The following AQP9 variants were observed in gnomAD, a reference collection of about 807,000 sequenced individuals.
The protein encoded by AQP9 is aquaporin 9.
AQP9 carries 19 observed loss-of-function variants against 23.8 expected under a neutral mutation model. The ratio of observed to expected loss-of-function variants is 0.80; its 90% CI spans 0.56 to 1.17. The LOEUF (loss-of-function observed/expected upper bound fraction) is 1.17. Ranked by LOEUF, AQP9 falls within the 50% of genes most tolerant of loss-of-function variation. AQP9 has a pLI of 0.00. For synonymous variants in AQP9, 153 were observed against 131.5 expected (o/e 1.16, Z -1.12); for missense variants, 413 against 362.0 (o/e 1.14, Z -1.14).
chr15:58,184,163 C>T lies in AQP9; in HGVS notation c.*28C>T, dbSNP rs979120806. ...GCATGCTCAGCTCTGGATTTGCAGT[C>T]AGTTTGGGATTCTCTTCAGAAAGAT... On this transcript the variant is annotated 3_prime_UTR_variant, in exon 6 of 6. Transcript: ENST00000219919. The T allele has an allele frequency of 1.2e-6, 2 of 1,605,492 alleles. No homozygotes were observed. Among genetic ancestry groups the T allele is most frequent in the African/African-American group, 1.3e-5 (1 of 74,864 alleles).
chr15:58,144,742 G>A (rs985002119), intron 1 of AQP9, among the ~76,000 whole-genome samples: 2 of 152,114 alleles, frequency 1.3e-5, no homozygotes, highest in East Asian at 1.9e-4. Context: ...CTGGCCAGGC[G>A]CGGTGGCTCA....
chr15:58,168,662 C>G (rs1898558750), intron 2 of AQP9, among the ~76,000 whole-genome samples: 1 of 152,116 alleles, frequency 6.6e-6, no homozygotes, highest in African/African-American at 2.4e-5. Context: ...TCCCAGATTC[C>G]TATATATGTG....
chr15:58,160,404 C>A (rs1898351086), intron 1 of AQP9, among the ~76,000 whole-genome samples: 1 of 152,096 alleles, frequency 6.6e-6, no homozygotes, highest in African/African-American at 2.4e-5. Flanking sequence ...TTATGGTTAT[C>A]AATCCCTTAT....
At chr15:58,146,048 A>G (rs1255163266) in intron 1 of AQP9, among the ~76,000 whole-genome samples, 8 of 152,058 alleles carry the variant, frequency 5.3e-5, no homozygotes, top group African/African-American at 1.9e-4. Context: ...TAAGAGTTTC[A>G]CTTTGTTTTT....
At chr15:58,165,130 C>T (rs376952882) in intron 1 of AQP9, among the ~76,000 whole-genome samples, 50 of 152,190 alleles carry the variant, frequency 3.3e-4, no homozygotes, top group African/African-American at 1.1e-3. Flanking sequence ...TTATAAAACC[C>T]CAACTGGAGT....
Position 58,170,649 on chromosome 15 carries a change from C to T in AQP9, c.239-2419C>T, listed in dbSNP as rs183192461. The stretch of plus-strand genomic sequence containing the variant: ...TGATTTCTTGACCTCATGATCCACT[C>T]GCCTTGGCCTCCCAAAGTGCTGAGA... On this transcript the variant is annotated intron_variant, in intron 2 of 5. Coordinates refer to ENST00000219919, the MANE Select transcript of AQP9 (RefSeq NM_020980.5). Among the ~76,000 whole-genome samples, 392 of 152,220 alleles carry T rather than the reference C, an allele frequency of 2.6e-3. 1 individual carries two copies. The highest frequency in any genetic ancestry group is 9.0e-3 in the African/African-American group (372 of 41,546).
chr15:58,166,008 A>G (rs1177736520), intron 1 of AQP9, among the ~76,000 whole-genome samples: 2 of 152,306 alleles, frequency 1.3e-5, no homozygotes, highest in East Asian at 3.9e-4. Flanking sequence ...GTTTTCTTGT[A>G]CATCAGACAT....
intron 1 of AQP9, among the ~76,000 whole-genome samples, chr15:58,139,740 G>T (rs1238140814): frequency 6.6e-6 from 1 of 152,212 alleles, no homozygotes; most frequent in East Asian, 1.9e-4. Context: ...CTAGTGGAAT[G>T]TGAAGAGAGA....
rs1245067353 is a variant in AQP9, at chr15:58,179,109, T to C, written c.496-19T>C. On this transcript the variant is annotated intron_variant, in intron 4 of 5. Coordinates refer to ENST00000219919, the MANE Select transcript of AQP9 (RefSeq NM_020980.5). ...GCAGAATGCAGGCTAAAGCCCTGGCTCAACTTCTCCCTCTCCAGGTGGTGG... is the reference window on the plus strand; with the variant it reads ...GCAGAATGCAGGCTAAAGCCCTGGCCCAACTTCTCCCTCTCCAGGTGGTGG... The C allele has an allele frequency of 4.5e-6, 7 of 1,570,216 alleles. No homozygotes were observed. In the East Asian group the frequency reaches 1.3e-4, roughly 30 times the overall value.
At chr15:58,183,723 A>G (rs1898943144) in intron 5 of AQP9, among the ~76,000 whole-genome samples, 1 of 152,212 alleles carries the variant, frequency 6.6e-6, no homozygotes, top group East Asian at 1.9e-4. Context: ...GAAAATAAAT[A>G]AGACATAATA....
At chr15:58,161,081 C>T (rs2414538) in intron 1 of AQP9, among the ~76,000 whole-genome samples, 24,737 of 151,956 alleles carry the variant, frequency 0.16, 2,097 homozygotes, top group Non-Finnish European at 0.18. Flanking sequence ...ATTTCCTGAG[C>T]AATGGGGAGG....
chr15:58,173,277 G>A, intron 3 of AQP9, 72 bp downstream of exon 3: 4 of 1,591,036 alleles, frequency 2.5e-6, no homozygotes, highest in South Asian at 1.1e-5. Flanking sequence ...TACTTGGTAG[G>A]CACAGGCGAG....
intron 4 of AQP9, among the ~76,000 whole-genome samples, chr15:58,178,729 CT>C (rs1490903317): frequency 6.6e-6 from 1 of 152,190 alleles, no homozygotes; most frequent in Non-Finnish European, 1.5e-5. Context: ...TCTCACATTG[CT>C]TTTCTCACCA....
chr15:58,161,920 A>G (rs1409635233), intron 1 of AQP9, among the ~76,000 whole-genome samples: 1 of 152,230 alleles, frequency 6.6e-6, no homozygotes, highest in Non-Finnish European at 1.5e-5. Flanking sequence ...CATCCCTGGA[A>G]ATAATGTCTA....
intron 1 of AQP9, among the ~76,000 whole-genome samples, chr15:58,159,968 T>G (rs1484807334): frequency 1.3e-5 from 2 of 152,228 alleles, no homozygotes; most frequent in Non-Finnish European, 2.9e-5. Flanking sequence ...GCAGTAAACA[T>G]GAGAGTGCAG....
At chr15:58,180,481 T>G (rs1453982314) in intron 5 of AQP9, among the ~76,000 whole-genome samples, 1 of 152,146 alleles carries the variant, frequency 6.6e-6, no homozygotes, top group Non-Finnish European at 1.5e-5. Context: ...CCCTGGTATA[T>G]CCACAGTGCC....
chr15:58,138,781 G>C (rs1293733225), intron 1 of AQP9, 105 bp downstream of exon 1: 7 of 929,040 alleles, frequency 7.5e-6, no homozygotes, highest in Non-Finnish European at 1.0e-5. Context: ...AGTTAATTGG[G>C]ATCAGATTCA....
intron 3 of AQP9, among the ~76,000 whole-genome samples, chr15:58,173,505 T>C (rs1898670877): frequency 6.6e-6 from 1 of 152,164 alleles, no homozygotes; most frequent in Non-Finnish European, 1.5e-5. Context: ...GCTTCCCCAC[T>C]GCTGTCTCTG....
chr15:58,156,808 G>C (rs1370282550), intron 1 of AQP9, among the ~76,000 whole-genome samples: 1 of 152,132 alleles, frequency 6.6e-6, no homozygotes, highest in Non-Finnish European at 1.5e-5. Flanking sequence ...GCCACTTCCA[G>C]ATTCCCTAGC....
Sources: gnomAD v4.1 joint callset for allele counts (sites outside exome capture counted in the v4.1 genomes callset) on GRCh38, gnomAD v4.1.1 for gene constraint, MANE v1.5 for transcripts, NCBI Gene and HGNC (gene_info 2026-07-23, HGNC 2026-07-21) for gene names.